The following THBS3 variants were observed in gnomAD, a reference collection of about 807,000 sequenced individuals.
THBS3 encodes thrombospondin 3.
In THBS3, 78 loss-of-function variants were observed where a neutral mutation model predicts 118.3. That is an observed-to-expected ratio of 0.66 (90% CI 0.55 to 0.80). The LOEUF is 0.80. THBS3 is among the 30% of genes least tolerant of loss of function. THBS3 has a pLI of 0.00. For synonymous variants in THBS3, 427 were observed against 475.3 expected (o/e 0.90, Z 1.32); for missense variants, 1,057 against 1,247.4 (o/e 0.85, Z 2.30).
Position 155,203,317 on chromosome 1 carries a change from C to G in THBS3, c.674-12G>C, listed in dbSNP as rs371043763. ...CTTGGTCTGCTCCCCTGTCGGGACCCAGGGTGTGAGGGGTTCAGTACTGGA... is the reference window on the plus strand; with the variant it reads ...CTTGGTCTGCTCCCCTGTCGGGACCGAGGGTGTGAGGGGTTCAGTACTGGA... On this transcript the variant is annotated splice_polypyrimidine_tract_variant and intron_variant, in intron 5 of 22. Coordinates refer to ENST00000368378, the MANE Select transcript of THBS3 (RefSeq NM_007112.5). 2.5e-6 allele frequency: 4 copies of G among 1,613,552 alleles called. No homozygotes were observed. The highest frequency in any genetic ancestry group is 3.4e-6 in the Non-Finnish European group (4 of 1,179,870).
intron 4 of THBS3, 103 bp downstream of exon 4, chr1:155,204,752 G>C: frequency 9.2e-7 from 1 of 1,082,452 alleles, no homozygotes; most frequent in South Asian, 1.3e-5. Context: ...GAACAGGTGA[G>C]CCAAAGGAAT....
chr1:155,199,887 C>T (rs774876473), intron 15 of THBS3, 31 bp from the exon 16 acceptor site: 298 of 1,613,994 alleles, frequency 1.8e-4, no homozygotes, highest in Non-Finnish European at 2.4e-4. Context: ...CTCACCATCT[C>T]CTCTTGATAA....
At position 155,197,212 on chromosome 1, in the gene THBS3, GC is replaced by G; in HGVS notation, c.2500del (p.Ala834GlnfsTer2). ...ACCTGGGCCAGACACTGATGTCACT[GC>G]CTAGGAGACATTGGCAAAGACAGTG... ...AVAQPGLQLK[A>X]VTSVSGPGEH... On this transcript the variant is annotated frameshift_variant and splice_region_variant, in exon 21 of 23. Transcript: ENST00000368378. LOFTEE classifies it high-confidence loss of function. The surrounding 1 kb of genome is among the most constrained non-coding windows in gnomAD (Gnocchi z 5.0). 6.2e-7 allele frequency: 1 copy of G among 1,613,360 alleles called. No individual in the cohort carries two copies. The highest frequency in any genetic ancestry group is 1.1e-5 in the South Asian group (1 of 91,066).
chr1:155,195,888 C>G lies in THBS3; in HGVS notation c.2824G>C (p.Glu942Gln), dbSNP rs776885031. The change falls in exon 23 of 23, where the codon GAG becomes CAG. Residue 942 changes from glutamate (E) to glutamine (Q), a missense_variant. Glu to Gln is a conservative substitution (Grantham distance 29). Transcript: ENST00000368378. ...TGCCTCCGGAATGGCTCAAAGTCCT[C>G]AGGCACTGTGTCTGAAGAAGGGGAA... Reference protein sequence around the residue: ...LQYRCNDTVPEDFEPFRRQLL... With the variant: ...LQYRCNDTVPQDFEPFRRQLL... 9 of 1,614,036 alleles carry G rather than the reference C, an allele frequency of 5.6e-6. No individual in the cohort carries two copies. The highest frequency in any genetic ancestry group is 7.6e-6 in the Non-Finnish European group (9 of 1,180,028).
At chr1:155,200,179 A>G in intron 14 of THBS3, 66 bp from the exon 15 acceptor site, 1 of 1,420,624 alleles carries the variant, frequency 7.0e-7, no homozygotes, top group Non-Finnish European at 9.6e-7. Context: ...TAGGTTGGTG[A>G]AAGTCCCGAA....
At chr1:155,200,321 C>T in intron 14 of THBS3, 130 bp downstream of exon 14, 3 of 1,253,924 alleles carry the variant, frequency 2.4e-6, no homozygotes, top group Non-Finnish European at 3.4e-6. Context: ...GGTAATCTCT[C>T]CTCACCCAGG....
chr1:155,205,337 G>C, intron 2 of THBS3, 21 bp from the exon 3 acceptor site: 1 of 1,606,104 alleles, frequency 6.2e-7, no homozygotes, highest in Non-Finnish European at 8.5e-7. Context: ...GGGGAGATCA[G>C]TATGGGCGCT....
At chr1:155,196,972 G>A in intron 21 of THBS3, 69 bp downstream of exon 21, 1 of 1,513,628 alleles carries the variant, frequency 6.6e-7, no homozygotes, top group South Asian at 1.2e-5. Flanking sequence ...GGTCACTGGT[G>A]AATCCCAGCT....
intron 10 of THBS3, 30 bp from the exon 11 acceptor site, chr1:155,201,599 G>A (rs1411864069): frequency 1.2e-6 from 2 of 1,605,260 alleles, no homozygotes; most frequent in Non-Finnish European, 1.7e-6. Flanking sequence ...ATCTTAGGAA[G>A]GAGGGTGAGC....
upstream of THBS3, chr1:155,207,906 G>A (rs1454109271): frequency 1.2e-6 from 2 of 1,611,424 alleles, no homozygotes; most frequent in Admixed American, 3.3e-5. Context: ...ACCCCTGGCA[G>A]GCAGGCAGCT....
chr1:155,205,599 G>A (rs370545), intron 2 of THBS3: 166,018 of 386,564 alleles, frequency 0.43, 37,495 homozygotes, highest in Middle Eastern at 0.56. Context: ...TCAACATGGC[G>A]AAACCCTGTT....
chr1:155,200,744 AC>A (rs1335016197), intron 13 of THBS3, 134 bp from the exon 14 acceptor site: 4 of 1,559,824 alleles, frequency 2.6e-6, no homozygotes, highest in Non-Finnish European at 2.6e-6. Flanking sequence ...AGTCCCACCC[AC>A]CCAGCCTCCT....
Position 155,200,043 on chromosome 1 carries a change from C to T in THBS3, c.1779G>A (p.Gly593=), listed in dbSNP as rs1215872018. The T allele has an allele frequency of 1.9e-6, 3 of 1,603,900 alleles. No individual in the cohort carries two copies. Among genetic ancestry groups the T allele is most frequent in the Non-Finnish European group, 2.6e-6 (3 of 1,174,420 alleles). The change falls in exon 15 of 23, where the codon GGG becomes GGA. Residue 593 remains glycine, a synonymous_variant. Coordinates refer to ENST00000368378, the MANE Select transcript of THBS3 (RefSeq NM_007112.5). ...GGCAGCTGTCGCAAGCATCTCCCAC[C>T]CCGTCCTCATCCCTGTCTGTCTGTA... is the stretch of plus-strand genomic sequence containing the variant. ...NPLQTDRDED[G]VGDACDSCPE...
At position 155,195,915 on chromosome 1, in the gene THBS3, T is replaced by C; in HGVS notation, c.2813-16A>G. 1 of 1,614,016 alleles carries C rather than the reference T, an allele frequency of 6.2e-7. No individual in the cohort carries two copies. Among genetic ancestry groups the C allele is most frequent in the South Asian group, 1.1e-5 (1 of 91,078 alleles). ...GGCACTGTGTCTGAAGAAGGGGAAA[T>C]AAGTAAGGTCAGAGGATGTGGCTCT... On this transcript the variant is annotated splice_polypyrimidine_tract_variant and intron_variant, in intron 22 of 22. Transcript: ENST00000368378.
In THBS3 at chr1:155,197,565, T is replaced by C; in HGVS notation, c.2397A>G (p.Gln799=). ...TGACTACGTAGAAGCGGCCACTGTC[T>C]TGATAACTGAAGAGAAAGCCTGCGT... is the stretch of plus-strand genomic sequence containing the variant. The part of the protein sequence containing the change: ...DDYAGFLFSY[Q]DSGRFYVVMW... Residue 799 remains glutamine (Q), a synonymous_variant, in exon 20 of 23, where the codon CAA becomes CAG. Transcript: ENST00000368378. This position sits in a 1 kb window ranked among gnomAD's most constrained non-coding sequence, Gnocchi z 5.0. 2 of 1,614,002 alleles carry C rather than the reference T, an allele frequency of 1.2e-6. No individual in the cohort carries two copies. Among genetic ancestry groups the C allele is most frequent in the Non-Finnish European group, 1.7e-6 (2 of 1,179,978 alleles).
intron 15 of THBS3, 49 bp downstream of exon 15, chr1:155,199,946 C>T: frequency 4.3e-6 from 7 of 1,609,714 alleles, no homozygotes; most frequent in Non-Finnish European, 5.9e-6. Flanking sequence ...GCTGGGGCTT[C>T]ATCCATCAGT....
rs746998014 is a variant in THBS3 at position 155,196,114 on chromosome 1, A to G, written c.2685T>C (p.Tyr895=). Residue 895 remains tyrosine, a synonymous_variant, in exon 22 of 23, where the codon TAT becomes TAC. Transcript: ENST00000368378. ...AATCCGCCACAAGCTGGGGTCCCTC[A>G]TAGAGCTTCACCCTGTCCAGGATTC... ...PQVGYIRVKL[Y]EGPQLVADSG... The G allele has an allele frequency of 1.9e-6, 3 of 1,614,104 alleles. No homozygotes were observed.
rs763609172 is a variant in THBS3, at chr1:155,196,072, G to C, written c.2727C>G (p.Asp909Glu). The C allele has an allele frequency of 6.2e-7, 1 of 1,614,166 alleles. No homozygotes were observed. The highest frequency in any genetic ancestry group is 8.5e-7 in the Non-Finnish European group (1 of 1,180,044). ...CAAGACGCCCCCCTCGCATGGATGTGTCAATGATCACCCCAGAATCCGCCA... is the reference window on the plus strand; with the variant it reads ...CAAGACGCCCCCCTCGCATGGATGTCTCAATGATCACCCCAGAATCCGCCA... ...QLVADSGVII[D>E]TSMRGGRLGV... Residue 909 changes from aspartate to glutamate, a missense_variant, in exon 22 of 23, where the codon GAC becomes GAG. Coordinates refer to ENST00000368378, the MANE Select transcript of THBS3 (RefSeq NM_007112.5).
In THBS3 at chr1:155,197,346, TCC is replaced by T; in HGVS notation, c.2499+115_2499+116del. The T allele has an allele frequency of 6.6e-7, 1 of 1,522,788 alleles. No individual in the cohort carries two copies. The allele number at this position is 1,522,788 out of a possible 1,614,324, so 94.3% of individuals were successfully genotyped here. A position where few individuals can be genotyped will look rare whatever the true frequency, so the allele number is the denominator to read the frequency against. ...GCCCTGGGGCCCCAGAGAGCCGGCCTCCAAGCCAGATGTCTGGGTAAGAGGGT... is the reference window on the plus strand; with the variant it reads ...GCCCTGGGGCCCCAGAGAGCCGGCCTAAGCCAGATGTCTGGGTAAGAGGGT... On this transcript the variant is annotated intron_variant, in intron 20 of 22. Transcript: ENST00000368378. The surrounding 1 kb of genome is among the most constrained non-coding windows in gnomAD (Gnocchi z 5.0).
Sources: allele counts gnomAD v4.1 joint callset, GRCh38; gene constraint gnomAD v4.1.1; non-coding constraint Gnocchi (gnomAD v3.1); transcripts MANE v1.5; gene names NCBI Gene and HGNC (gene_info 2026-07-23, HGNC 2026-07-21).